ZNF670: variants seen among roughly 807,000 people sequenced by gnomAD.
ZNF670 encodes the protein zinc finger protein 670.
Under a neutral mutation model 10.9 loss-of-function variants are expected in ZNF670, and 7 were observed. The ratio of observed to expected loss-of-function variants is 0.64; its 90% CI spans 0.36 to 1.20. The LOEUF (loss-of-function observed/expected upper bound fraction) is 1.20, where lower values mean the gene tolerates loss of function less well. Among genes scored for constraint, ZNF670 ranks in the 50% most tolerant of loss-of-function variants. The pLI, the probability that ZNF670 is intolerant of heterozygous loss-of-function variation, is 0.02. For synonymous variants in ZNF670, 136 were observed against 152.7 expected, an observed-to-expected ratio of 0.89 and a Z score of 0.81; for missense variants, 446 against 458.6, an observed-to-expected ratio of 0.97 and a Z score of 0.25.
At chr1:247,052,090 C>A (rs74720998) in intron 1 of ZNF670, among the ~76,000 whole-genome samples, 2,865 of 151,740 alleles carry the variant, frequency 0.019, 50 homozygotes, top group Non-Finnish European at 0.028. Context: ...CTTTTCCTGG[C>A]AATTCAGAGA....
Position 247,072,853 on chromosome 1 carries a change from T to TACACACACACACACACACAC in ZNF670, c.3+5740_3+5741insGTGTGTGTGTGTGTGTGTGT, listed in dbSNP as rs67112261. ...ATATATATATATGCATACACACACATACACACACACACACAAACATCTTTT... is the reference window on the plus strand; with the variant it reads ...ATATATATATATGCATACACACACATACACACACACACACACACACACACACACACACACAAACATCTTTT... On this transcript the variant is annotated intron_variant, in intron 1 of 3. Transcript: ENST00000366503. Among the ~76,000 whole-genome samples the TACACACACACACACACACAC allele has an allele frequency of 6.7e-4, 67 of 100,020 alleles. 2 individuals carry two copies. The highest frequency in any genetic ancestry group is 2.3e-3 in the African/African-American group (60 of 25,750). The allele number at this position is 100,020 out of a possible 152,430, so 65.6% of individuals were successfully genotyped here.
chr1:247,078,625 C>A lies in ZNF670; in HGVS notation c.-29G>T. On this transcript the variant is annotated 5_prime_UTR_variant, in exon 1 of 4. Transcript: ENST00000366503. ...CCAGTCTCCGGTGTCTGGGGTCCTC[C>A]CTAAGGACCTTCCGGGACCTGCAGG... 6.2e-7 allele frequency: 1 copy of A among 1,613,122 alleles called. No individual in the cohort carries two copies.
At chr1:247,048,690 T>C (rs1355194784) in intron 1 of ZNF670, among the ~76,000 whole-genome samples, 1 of 152,162 alleles carries the variant, frequency 6.6e-6, no homozygotes, top group Non-Finnish European at 1.5e-5. Flanking sequence ...CAGTTCCACA[T>C]GGCTGGGGAG....
At position 247,037,278 on chromosome 1, in the gene ZNF670, A is replaced by G; in HGVS notation, c.*171T>C. On this transcript the variant is annotated 3_prime_UTR_variant, in exon 4 of 4. Transcript: ENST00000366503. ...TTCTTTCCCAGGACGGGTCCTTCTA[A>G]GTTTTAGAAGGGAACTAGGAAAATT... is the stretch of plus-strand genomic sequence containing the variant. 1 of 745,882 alleles carries G rather than the reference A, an allele frequency of 1.3e-6. No individual in the cohort carries two copies. Among genetic ancestry groups the G allele is most frequent in the Non-Finnish European group, 2.0e-6 (1 of 510,324 alleles). The allele number at this position is 745,882 out of a possible 1,614,324, so 46.2% of individuals were successfully genotyped here.
At chr1:247,061,329 C>T (rs899276987) in intron 1 of ZNF670, among the ~76,000 whole-genome samples, 3 of 151,846 alleles carry the variant, frequency 2.0e-5, no homozygotes, top group Admixed American at 2.0e-4. Context: ...TACAGGCACC[C>T]GCCACCACAC....
At chr1:247,047,103 C>T (rs1558338687) in intron 1 of ZNF670, among the ~76,000 whole-genome samples, 3 of 147,890 alleles carry the variant, frequency 2.0e-5, no homozygotes, top group African/African-American at 7.4e-5. Flanking sequence ...TTCCTGGCTG[C>T]TTTCACAAGG....
intron 1 of ZNF670, among the ~76,000 whole-genome samples, chr1:247,066,822 C>T (rs569803260): frequency 2.6e-5 from 4 of 152,266 alleles, no homozygotes; most frequent in East Asian, 3.9e-4. Flanking sequence ...ATTTCATCTG[C>T]GTGATAAAAC....
In ZNF670 at chr1:247,078,676, G is replaced by A; in HGVS notation, c.-80C>T. The A allele has an allele frequency of 3.4e-6, 5 of 1,476,162 alleles. No homozygotes were observed. Among genetic ancestry groups the A allele is most frequent in the East Asian group, 2.3e-5 (1 of 43,664 alleles). 91.4% of individuals were successfully genotyped at this position (1,476,162 alleles called of 1,614,324 possible). On this transcript the variant is annotated 5_prime_UTR_variant, in exon 1 of 4. Transcript: ENST00000366503. ...TCCCAGAGCAACAGAAGCTGCCGCG[G>A]GACCACTTGGACCTCCCAGGGATAA...
chr1:247,037,118 G>C lies in ZNF670; in HGVS notation c.*331C>G, dbSNP rs560567104. The C allele has an allele frequency of 4.7e-6, 1 of 210,562 alleles. No homozygotes were observed. The highest frequency in any genetic ancestry group is 5.1e-5 in the Admixed American group (1 of 19,422). 13.0% of individuals were successfully genotyped at this position (210,562 alleles called of 1,614,324 possible). On this transcript the variant is annotated 3_prime_UTR_variant, in exon 4 of 4. Transcript: ENST00000366503. ...TTATAAAGTATCTGTGAAATTCTCA[G>C]CTCCATGATTCCCTGCAAAAAACTG...
chr1:247,040,346 A>G (rs1299782471), intron 1 of ZNF670, among the ~76,000 whole-genome samples: 1 of 152,266 alleles, frequency 6.6e-6, no homozygotes, highest in Non-Finnish European at 1.5e-5. Context: ...TAAAATTTCT[A>G]TTGGATAACA....
intron 1 of ZNF670, among the ~76,000 whole-genome samples, chr1:247,048,168 T>C (rs147293239): frequency 6.6e-6 from 1 of 152,288 alleles, no homozygotes; most frequent in African/African-American, 2.4e-5. Flanking sequence ...TTTGAATGCA[T>C]AAAACTGAAT....
intron 1 of ZNF670, among the ~76,000 whole-genome samples, chr1:247,047,961 G>C (rs1272320296): frequency 6.6e-6 from 1 of 152,182 alleles, no homozygotes; most frequent in African/African-American, 2.4e-5. Context: ...CCTCTGACAT[G>C]TCCTAAAGAC....
At chr1:247,077,896 T>G (rs2103076482) in intron 1 of ZNF670, among the ~76,000 whole-genome samples, 1 of 152,250 alleles carries the variant, frequency 6.6e-6, no homozygotes, top group East Asian at 1.9e-4. Context: ...CACATGTACA[T>G]ACACACATGA....
chr1:247,043,604 C>T, intron 1 of ZNF670: 1 of 594,592 alleles, frequency 1.7e-6, no homozygotes, highest in South Asian at 1.4e-5. Flanking sequence ...GGAGCACCAG[C>T]AGATGTCAGA....
intron 1 of ZNF670, among the ~76,000 whole-genome samples, chr1:247,051,270 A>AAC (rs1165048215): frequency 1.9e-5 from 2 of 106,784 alleles, no homozygotes; most frequent in Non-Finnish European, 3.9e-5. Flanking sequence ...AAAAAAAAAC[A>AAC]AAAAAAAAAC....
rs1338652093 is a variant in ZNF670, at chr1:247,037,961, T to C, written c.658A>G (p.Thr220Ala). 6.2e-7 allele frequency: 1 copy of C among 1,613,610 alleles called. No individual in the cohort carries two copies. Among genetic ancestry groups the C allele is most frequent in the South Asian group, 1.1e-5 (1 of 90,946 alleles). Residue 220 changes from threonine (T) to alanine (A), a missense_variant, in exon 4 of 4, where the codon ACT becomes GCT. Transcript: ENST00000366503. ...SYLREHERTH[T>A]GEKPYACKKC... ...TTACATGCATAGGGTTTCTCTCCAG[T>C]ATGAGTTCTTTCATGTTCACGAAGA...
chr1:247,063,041 C>T (rs535959651), intron 1 of ZNF670, among the ~76,000 whole-genome samples: 25 of 152,188 alleles, frequency 1.6e-4, no homozygotes, highest in East Asian at 1.2e-3. Context: ...GAAATGTCTG[C>T]GCTTAGGTAA....
chr1:247,047,816 C>G lies in ZNF670; in HGVS notation c.4-8279G>C, dbSNP rs150917655. 2.8e-3 allele frequency among the ~76,000 whole-genome samples: 425 copies of G among 152,280 alleles called. 2 individuals carry two copies. The highest frequency in any genetic ancestry group is 9.1e-3 in the African/African-American group (378 of 41,572). ...GCAATGGCCTGAGCTGTACATTGGT[C>G]TCTTTTAGCCACAGCTAGGACACAG... is the stretch of plus-strand genomic sequence containing the variant. On this transcript the variant is annotated intron_variant, in intron 1 of 3. Coordinates refer to ENST00000366503, the MANE Select transcript of ZNF670 (RefSeq NM_033213.5).
intron 1 of ZNF670, among the ~76,000 whole-genome samples, chr1:247,055,159 C>T (rs746869645): frequency 2.0e-5 from 3 of 152,252 alleles, no homozygotes; most frequent in African/African-American, 7.2e-5. Context: ...AGACCCAACA[C>T]AGAAACACCT....
Sources: gnomAD v4.1 joint callset for allele counts (sites outside exome capture counted in the v4.1 genomes callset) on GRCh38, gnomAD v4.1.1 for gene constraint, MANE v1.5 for transcripts, NCBI Gene and HGNC (gene_info 2026-07-23, HGNC 2026-07-21) for gene names.